Variants in RYR2 observed in about 807,000 individuals in gnomAD.
The protein encoded by RYR2 is ryanodine receptor 2.
RYR2 carries 227 observed loss-of-function variants against 601.1 expected under a neutral mutation model. The observed-to-expected ratio is 0.38, with a 90% CI of 0.34 to 0.42. The LOEUF (loss-of-function observed/expected upper bound fraction) is 0.42. Among genes scored for constraint, RYR2 ranks in the 10% least tolerant of loss-of-function variants. RYR2 has a pLI of 1.00. For missense variants in RYR2, 4,646 were observed against 6,156.5 expected, an observed-to-expected ratio of 0.75 and a Z score of 8.21; for synonymous variants, 2,223 against 2,175.1, an observed-to-expected ratio of 1.02 and a Z score of -0.61.
intron 100 of RYR2, among the ~76,000 whole-genome samples, chr1:237,815,601 T>C (rs1661735627): frequency 6.6e-6 from 1 of 152,190 alleles, no homozygotes; most frequent in African/African-American, 2.4e-5. Flanking sequence ...TTCATCACAA[T>C]GCATAAAGCT....
At chr1:237,602,852 T>C (rs542039981) in intron 35 of RYR2, among the ~76,000 whole-genome samples, 3 of 152,268 alleles carry the variant, frequency 2.0e-5, no homozygotes, top group South Asian at 2.1e-4. Flanking sequence ...TGGAAAAATA[T>C]GTTGTTATTA....
At chr1:237,673,041 A>G (rs978086333) in intron 58 of RYR2, among the ~76,000 whole-genome samples, 17 of 152,328 alleles carry the variant, frequency 1.1e-4, no homozygotes, top group African/African-American at 3.8e-4. Context: ...GGCTAATTCA[A>G]CATTTGTGAT....
chr1:237,170,715 G>A (rs1255887931), intron 1 of RYR2, among the ~76,000 whole-genome samples: 1 of 152,198 alleles, frequency 6.6e-6, no homozygotes, highest in Non-Finnish European at 1.5e-5. Flanking sequence ...AAGACATTGA[G>A]GAGGAAGATA....
chr1:237,109,734 AAT>A (rs750218587), intron 1 of RYR2, among the ~76,000 whole-genome samples: 111 of 10,636 alleles, frequency 0.01, no homozygotes, highest in East Asian at 0.071. Flanking sequence ...AAAAAAAAAT[AAT>A]AATAATAATT....
At chr1:237,182,368 C>T (rs1678869192) in intron 1 of RYR2, among the ~76,000 whole-genome samples, 1 of 152,074 alleles carries the variant, frequency 6.6e-6, no homozygotes, top group Admixed American at 6.6e-5. Context: ...GATCCACCTG[C>T]CTCGGCCTCC....
At chr1:237,195,759 A>G (rs565260528) in intron 1 of RYR2, among the ~76,000 whole-genome samples, 1 of 152,150 alleles carries the variant, frequency 6.6e-6, no homozygotes, top group Non-Finnish European at 1.5e-5. Flanking sequence ...CTGTTTCCTC[A>G]TCAGTAAAAG....
rs571930622 is a variant in RYR2 at position 237,331,246 on chromosome 1, G to C, written c.273+264G>C. On this transcript the variant is annotated intron_variant, in intron 3 of 104. Transcript: ENST00000366574. ...TTGTTTAAAACCGACCTTTCTTTGA[G>C]CGTTTCTGTGTTTCATTACATTTTC... is the stretch of plus-strand genomic sequence containing the variant. Among the ~76,000 whole-genome samples the C allele has an allele frequency of 2.0e-5, 3 of 152,192 alleles. No individual in the cohort carries two copies. In the East Asian group the frequency reaches 5.8e-4, roughly 29 times the overall value.
intron 3 of RYR2, among the ~76,000 whole-genome samples, chr1:237,347,383 C>T (rs1452001913): frequency 6.6e-6 from 1 of 152,088 alleles, no homozygotes; most frequent in African/African-American, 2.4e-5. Flanking sequence ...AATAGGTTCT[C>T]AATATATATT....
At chr1:237,509,981 C>G (rs1404384160) in intron 23 of RYR2, among the ~76,000 whole-genome samples, 1 of 152,150 alleles carries the variant, frequency 6.6e-6, no homozygotes, top group Non-Finnish European at 1.5e-5. Flanking sequence ...GGTGAGAAGC[C>G]AGGCCATGTA....
intron 2 of RYR2, among the ~76,000 whole-genome samples, chr1:237,320,058 C>G (rs1194903969): frequency 6.6e-6 from 1 of 152,152 alleles, no homozygotes. Context: ...GGAAAGAACA[C>G]CACAGATTTA....
At chr1:237,558,371 G>A (rs1247817660) in intron 27 of RYR2, among the ~76,000 whole-genome samples, 2 of 152,188 alleles carry the variant, frequency 1.3e-5, no homozygotes, top group African/African-American at 4.8e-5. Context: ...CAGTAAAGAT[G>A]TGTTGGGTAT....
At chr1:237,303,783 AG>A (rs1662695012) in intron 2 of RYR2, among the ~76,000 whole-genome samples, 1 of 152,186 alleles carries the variant, frequency 6.6e-6, no homozygotes, top group Non-Finnish European at 1.5e-5. Flanking sequence ...CATCTGCCTC[AG>A]TGATAACTCA....
chr1:237,212,090 G>C (rs576374474), intron 1 of RYR2, among the ~76,000 whole-genome samples: 1 of 145,044 alleles, frequency 6.9e-6, no homozygotes, highest in Non-Finnish European at 1.5e-5. Flanking sequence ...TTTTTTTTTT[G>C]CTGCATATTT....
chr1:237,594,660 A>C (rs1329120702), intron 33 of RYR2, among the ~76,000 whole-genome samples: 1 of 152,102 alleles, frequency 6.6e-6, no homozygotes, highest in African/African-American at 2.4e-5. Context: ...GAAGAAATGC[A>C]GCCTACATTT....
In RYR2 at chr1:237,778,720, G is replaced by A; in HGVS notation, c.11830G>A (p.Val3944Met). Residue 3944 changes from valine to methionine, a missense_variant, in exon 88 of 105, where the codon GTG becomes ATG. Physicochemically the swap from Val to Met is conservative, Grantham distance 21. Transcript: ENST00000366574. ...GGCACACAGCAGGCTGTGGGATGCT[G>A]TGGTCGGCTTTCTTCATGTGTTTGC... ...SLAHSRLWDAVVGFLHVFAHM... is the reference protein window; with the variant it reads ...SLAHSRLWDAMVGFLHVFAHM... The A allele has an allele frequency of 6.2e-7, 1 of 1,612,416 alleles. No individual in the cohort carries two copies. The highest frequency in any genetic ancestry group is 8.5e-7 in the Non-Finnish European group (1 of 1,178,620).
chr1:237,392,784 T>A (rs1200700306), intron 10 of RYR2, among the ~76,000 whole-genome samples: 2 of 152,160 alleles, frequency 1.3e-5, no homozygotes, highest in Non-Finnish European at 2.9e-5. Context: ...AGTTTGGAAA[T>A]CTATTAAGGA....
intron 29 of RYR2, among the ~76,000 whole-genome samples, chr1:237,586,107 T>A (rs938463600): frequency 1.3e-5 from 2 of 152,226 alleles, no homozygotes; most frequent in Non-Finnish European, 2.9e-5. Context: ...ACATACTTTT[T>A]TGGTTTTTTT....
At position 237,674,648 on chromosome 1, in the gene RYR2, C is replaced by CAT. The variant is rs201490976; in HGVS notation, c.8715-73_8715-72dup. The stretch of plus-strand genomic sequence containing the variant: ...ATAAACATATATGTATGTATATACA[C>CAT]ATATATATATACACACACACAATTT... On this transcript the variant is annotated intron_variant, in intron 59 of 104. Transcript: ENST00000366574. 5.5e-3 allele frequency: 3,942 copies of CAT among 712,788 alleles called. 86 individuals carry two copies. The African/African-American group carries it at 0.059, about 11-fold the overall frequency. The allele number at this position is 712,788 out of a possible 1,614,324, so 44.2% of individuals were successfully genotyped here.
At chr1:237,381,312 G>A (rs1701501582) in intron 8 of RYR2, among the ~76,000 whole-genome samples, 1 of 138,734 alleles carries the variant, frequency 7.2e-6, no homozygotes, top group Admixed American at 7.3e-5. Context: ...TTAACCAGAA[G>A]AAGAGATAGT....
Sources: allele counts gnomAD v4.1 joint callset (sites outside exome capture counted in the v4.1 genomes callset), GRCh38; gene constraint gnomAD v4.1.1; transcripts MANE v1.5; gene names NCBI Gene and HGNC (gene_info 2026-07-23, HGNC 2026-07-21).